TENM4: variants seen among roughly 807,000 people sequenced by gnomAD.
TENM4 encodes the protein teneurin transmembrane protein 4.
TENM4 carries 82 observed loss-of-function variants against 243.3 expected under a neutral mutation model. The observed-to-expected ratio is 0.34, with a 90% CI of 0.28 to 0.40. The LOEUF (loss-of-function observed/expected upper bound fraction) is 0.40, where lower values mean the gene tolerates loss of function less well. Ranked by LOEUF, TENM4 falls within the 10% of genes least tolerant of loss-of-function variation. The probability of loss-of-function intolerance (pLI) is 1.00; values close to 1 mark genes in which losing one functional copy is unlikely to be tolerated. For missense variants in TENM4, 3,138 were observed against 3,673.3 expected (o/e 0.85, Z 3.77); for synonymous variants, 1,412 against 1,456.3 (o/e 0.97, Z 0.69).
intron 2 of TENM4, among the ~76,000 whole-genome samples, 195 bp downstream of exon 2, chr11:79,297,293 A>C (rs1856471564): frequency 6.6e-6 from 1 of 152,218 alleles, no homozygotes; most frequent in South Asian, 2.1e-4. Context: ...CACTGGGAGC[A>C]AACAGAAGCC....
intron 2 of TENM4, among the ~76,000 whole-genome samples, chr11:79,238,920 G>A (rs1864533970): frequency 6.6e-6 from 1 of 152,186 alleles, no homozygotes; most frequent in Non-Finnish European, 1.5e-5. Context: ...AGGTATTCAG[G>A]AGGCTGAGGC....
At chr11:79,375,575 A>T (rs1857874722) in intron 1 of TENM4, among the ~76,000 whole-genome samples, 1 of 152,184 alleles carries the variant, frequency 6.6e-6, no homozygotes, top group Non-Finnish European at 1.5e-5. Flanking sequence ...CTGAAATTTT[A>T]TTTGATTTTG....
At chr11:79,017,719 G>A (rs1331018234) in intron 6 of TENM4, among the ~76,000 whole-genome samples, 6 of 152,126 alleles carry the variant, frequency 3.9e-5, no homozygotes, top group African/African-American at 1.4e-4. Flanking sequence ...CAAGCAAGCA[G>A]GCAGAAGGCA....
At chr11:78,695,763 T>A (rs1053596914) in intron 28 of TENM4, among the ~76,000 whole-genome samples, 2 of 137,966 alleles carry the variant, frequency 1.4e-5, no homozygotes, top group Non-Finnish European at 3.0e-5. Context: ...TTGTTCCTCT[T>A]ATAAAATGCT....
At chr11:78,872,588 T>C (rs1213371768) in intron 9 of TENM4, among the ~76,000 whole-genome samples, 1 of 152,202 alleles carries the variant, frequency 6.6e-6, no homozygotes, top group African/African-American at 2.4e-5. Context: ...ATAAAGGTGT[T>C]CCAACTTGCA....
chr11:78,676,760 G>A (rs2079877961), intron 29 of TENM4, among the ~76,000 whole-genome samples: 1 of 152,132 alleles, frequency 6.6e-6, no homozygotes, highest in Admixed American at 6.5e-5. Context: ...TCCACTGTAT[G>A]AAAATACTTT....
chr11:79,431,916 A>AT lies in TENM4; in HGVS notation c.-321+8592dup, dbSNP rs879565982. Among the ~76,000 whole-genome samples, 13 of 151,382 alleles carry AT rather than the reference A, an allele frequency of 8.6e-5. No homozygotes were observed. The South Asian group carries it at 1.0e-3, about 12-fold the overall frequency. On this transcript the variant is annotated intron_variant, in intron 1 of 33. Coordinates refer to ENST00000278550, the MANE Select transcript of TENM4 (RefSeq NM_001098816.3). ...AGTTCACAATGGCAAGGATCCTTGC[A>AT]TTTTTTTTTAATCCCAACCTTAATC...
intron 4 of TENM4, among the ~76,000 whole-genome samples, chr11:79,122,106 G>A (rs898521553): frequency 6.6e-6 from 1 of 152,092 alleles, no homozygotes; most frequent in East Asian, 1.9e-4. Flanking sequence ...TGGGGTTCAG[G>A]GTTCTGCTTA....
chr11:78,912,888 C>G (rs948592313), intron 6 of TENM4, among the ~76,000 whole-genome samples: 2 of 152,206 alleles, frequency 1.3e-5, no homozygotes, highest in Admixed American at 1.3e-4. Flanking sequence ...GTAGAACTCT[C>G]TCACAACATA....
intron 6 of TENM4, among the ~76,000 whole-genome samples, chr11:78,975,310 C>T (rs1043938196): frequency 2.6e-4 from 40 of 151,952 alleles, no homozygotes; most frequent in African/African-American, 9.2e-4. Flanking sequence ...GGTTCATTCA[C>T]ACCTCTGGAG....
chr11:78,876,897 C>T (rs1467664706), intron 9 of TENM4, among the ~76,000 whole-genome samples: 2 of 152,218 alleles, frequency 1.3e-5, no homozygotes, highest in Non-Finnish European at 2.9e-5. Context: ...GGTTTAAAAT[C>T]TCCTGGTGAT....
chr11:79,092,895 T>C (rs991952126), intron 4 of TENM4: 4 of 152,248 alleles, frequency 2.6e-5, no homozygotes, highest in Admixed American at 6.5e-5. Flanking sequence ...TAAGTTACTC[T>C]AATTCTCAGA....
intron 1 of TENM4, among the ~76,000 whole-genome samples, chr11:79,379,476 T>A (rs1389274095): frequency 6.6e-6 from 1 of 152,072 alleles, no homozygotes; most frequent in African/African-American, 2.4e-5. Flanking sequence ...CAGGGAGAGA[T>A]GACAATGGAC....
At chr11:79,236,986 G>C (rs1029906912) in intron 2 of TENM4, among the ~76,000 whole-genome samples, 6 of 152,170 alleles carry the variant, frequency 3.9e-5, no homozygotes, top group Non-Finnish European at 8.8e-5. Context: ...CCTATGCCAT[G>C]CCAGGTACTT....
chr11:79,386,702 A>G (rs1409719342), intron 1 of TENM4, among the ~76,000 whole-genome samples: 3 of 152,078 alleles, frequency 2.0e-5, no homozygotes, highest in Admixed American at 1.3e-4. Flanking sequence ...ATGAGACACA[A>G]CCATACAACC....
chr11:78,814,211 C>A, intron 13 of TENM4, 83 bp downstream of exon 13: 1 of 1,342,150 alleles, frequency 7.5e-7, no homozygotes, highest in Admixed American at 2.3e-5. Context: ...GGGCTGGATT[C>A]TGCACTTGCT....
chr11:78,700,580 C>G lies in TENM4; in HGVS notation c.5087+946G>C, dbSNP rs74488147. On this transcript the variant is annotated intron_variant, in intron 28 of 33. Coordinates refer to ENST00000278550, the MANE Select transcript of TENM4 (RefSeq NM_001098816.3). ...CTTAAAAAAATCTAAGTAGAAAGAG[C>G]GATGTTAGTCCATTCATTAAATATC... Among the ~76,000 whole-genome samples the G allele has an allele frequency of 2.2e-3, 337 of 152,184 alleles. 2 individuals are homozygous for G. The highest frequency in any genetic ancestry group is 4.0e-3 in the Non-Finnish European group (269 of 68,018).
At chr11:79,180,304 G>A (rs2135138024) in intron 3 of TENM4, among the ~76,000 whole-genome samples, 1 of 151,764 alleles carries the variant, frequency 6.6e-6, no homozygotes, top group East Asian at 1.9e-4. Context: ...CTAGGTATAT[G>A]GCCATGAGGT....
chr11:79,028,313 T>C (rs1014724404), intron 6 of TENM4, among the ~76,000 whole-genome samples: 2 of 152,228 alleles, frequency 1.3e-5, no homozygotes, highest in African/African-American at 4.8e-5. Context: ...GAAGTATGCT[T>C]GTCCTAGGTC....
Sources: gnomAD v4.1 joint callset for allele counts (sites outside exome capture counted in the v4.1 genomes callset) on GRCh38, gnomAD v4.1.1 for gene constraint, MANE v1.5 for transcripts, NCBI Gene and HGNC (gene_info 2026-07-23, HGNC 2026-07-21) for gene names.